Variants in NBAS observed in about 807,000 individuals in gnomAD.
The protein encoded by NBAS is NAG/BC035112 fusion.
A neutral mutation model predicts 302.5 loss-of-function variants in NBAS; 219 were observed. That is an observed-to-expected ratio of 0.72 (90% CI 0.65 to 0.81). NBAS has a LOEUF of 0.81. Ranked by LOEUF, NBAS falls within the 30% of genes least tolerant of loss-of-function variation. The probability of loss-of-function intolerance (pLI) is 0.00; values close to 1 mark genes in which losing one functional copy is unlikely to be tolerated. For synonymous variants in NBAS, 1,118 were observed against 1,021.6 expected (o/e 1.09, Z -1.80); for missense variants, 2,932 against 2,841.6 (o/e 1.03, Z -0.72).
intron 42 of NBAS, among the ~76,000 whole-genome samples, chr2:15,279,780 A>C (rs1669744603): frequency 6.6e-6 from 1 of 152,198 alleles, no homozygotes; most frequent in African/African-American, 2.4e-5. Flanking sequence ...CAAGGTGCTA[A>C]GATCTTTTAT....
intron 50 of NBAS, chr2:15,180,290 C>A (rs1226332518): frequency 6.6e-6 from 1 of 152,226 alleles, no homozygotes; most frequent in Non-Finnish European, 1.5e-5. Context: ...CCTCACGTTT[C>A]AGAGTAGAAG....
the NBAS span, among the ~76,000 whole-genome samples, chr2:15,067,159 CAAAAAAAA>C: frequency 3.2e-5 from 3 of 93,316 alleles, no homozygotes; most frequent in South Asian, 3.7e-4. Flanking sequence ...CTTATCTCCA[CAAAAAAAA>C]AAAAAAAAAA....
the NBAS span, among the ~76,000 whole-genome samples, chr2:15,000,456 C>G: frequency 6.6e-6 from 1 of 152,306 alleles, no homozygotes; most frequent in Admixed American, 6.5e-5. Flanking sequence ...TGCAGGAACA[C>G]AAATCTGCTG....
intron 9 of NBAS, among the ~76,000 whole-genome samples, chr2:15,522,083 A>G (rs1662699324): frequency 6.6e-6 from 1 of 152,238 alleles, no homozygotes; most frequent in South Asian, 2.1e-4. Flanking sequence ...AAGAAGTTAT[A>G]TATCTATCCC....
At chr2:15,043,459 C>A in the NBAS span, among the ~76,000 whole-genome samples, 1 of 152,140 alleles carries the variant, frequency 6.6e-6, no homozygotes, top group Non-Finnish European at 1.5e-5. Context: ...CCATCCATAT[C>A]CATCCATGAC....
At chr2:15,000,756 G>A in the NBAS span, among the ~76,000 whole-genome samples, 13 of 152,228 alleles carry the variant, frequency 8.5e-5, no homozygotes, top group South Asian at 4.2e-4. Flanking sequence ...AAAGGCAAGC[G>A]GTGTGCAAAG....
the NBAS span, among the ~76,000 whole-genome samples, chr2:14,818,606 C>T: frequency 6.6e-6 from 1 of 152,168 alleles, no homozygotes; most frequent in Non-Finnish European, 1.5e-5. Context: ...AAAATCTTTA[C>T]ATACAGTGAG....
chr2:15,074,604 ATATT>A, the NBAS span, among the ~76,000 whole-genome samples: 3 of 152,092 alleles, frequency 2.0e-5, no homozygotes, highest in South Asian at 6.2e-4. Context: ...AACATGTTAT[ATATT>A]ATATAATAGG....
chr2:15,477,461 A>G lies in NBAS; in HGVS notation c.1147+765T>C, dbSNP rs563758110. Among the ~76,000 whole-genome samples, 23 of 152,234 alleles carry G rather than the reference A, an allele frequency of 1.5e-4. No homozygotes were observed. In the South Asian group the frequency reaches 4.4e-3, roughly 29 times the overall value. On this transcript the variant is annotated intron_variant, in intron 13 of 51. Transcript: ENST00000281513. ...TTTCCAGTAGAGACAGGGTTTCACC[A>G]TGTTGGCCAGGCTGGTCTTGAACTC...
intron 51 of NBAS, among the ~76,000 whole-genome samples, chr2:15,171,119 C>T (rs546396187): frequency 6.6e-6 from 1 of 152,314 alleles, no homozygotes; most frequent in South Asian, 2.1e-4. Context: ...TCATTCTAAC[C>T]TACTTTTTCT....
chr2:15,296,036 A>G (rs960065767), intron 40 of NBAS, among the ~76,000 whole-genome samples: 2 of 152,230 alleles, frequency 1.3e-5, no homozygotes, highest in Non-Finnish European at 2.9e-5. Context: ...CTGATTGACA[A>G]GGATGTACAC....
the NBAS span, among the ~76,000 whole-genome samples, chr2:14,879,751 A>G: frequency 6.6e-6 from 1 of 152,208 alleles, no homozygotes; most frequent in African/African-American, 2.4e-5. Context: ...AAGCAGTAAA[A>G]TAAAGATCCA....
At chr2:15,474,432 A>C in intron 14 of NBAS, 108 bp from the exon 15 acceptor site, 1 of 1,166,904 alleles carries the variant, frequency 8.6e-7, no homozygotes, top group Non-Finnish European at 1.2e-6. Flanking sequence ...TGATTCATTA[A>C]ATCAGCTATG....
In NBAS at chr2:15,275,771, C is replaced by A; in HGVS notation, c.5437G>T (p.Ala1813Ser). ...LTDENMSPLE[A>S]LEPVLSSQNI... ...TGACTTGAAAGAACTGGCTCCAATG[C>A]TTCAAGAGGACTCATGTTTTCATCT... The change falls in exon 44 of 52, where the codon GCA (alanine) becomes TCA (serine). Residue 1813 changes from alanine to serine, a missense_variant. By Grantham distance (99) the Ala-to-Ser change is moderately conservative (BLOSUM62 1). Transcript: ENST00000281513. 2 of 1,614,054 alleles carry A rather than the reference C, an allele frequency of 1.2e-6. No homozygotes were observed. The highest frequency in any genetic ancestry group is 2.7e-5 in the African/African-American group (2 of 75,024).
At chr2:15,207,239 T>C (rs759818248) in intron 48 of NBAS, among the ~76,000 whole-genome samples, 1 of 152,194 alleles carries the variant, frequency 6.6e-6, no homozygotes, top group African/African-American at 2.4e-5. Context: ...GACTGCCCTG[T>C]TGGGTTTCAA....
chr2:15,510,652 C>T (rs1367449564), intron 10 of NBAS, among the ~76,000 whole-genome samples: 1 of 152,186 alleles, frequency 6.6e-6, no homozygotes, highest in Non-Finnish European at 1.5e-5. Flanking sequence ...GACTGCCTGA[C>T]ACAAAATAGA....
chr2:15,261,664 A>T (rs142650361), intron 44 of NBAS, among the ~76,000 whole-genome samples: 1 of 152,168 alleles, frequency 6.6e-6, no homozygotes, highest in Non-Finnish European at 1.5e-5. Flanking sequence ...AAGCTAATAC[A>T]TTCCTAAGTT....
chr2:14,893,682 G>A, the NBAS span, among the ~76,000 whole-genome samples: 1 of 152,284 alleles, frequency 6.6e-6, no homozygotes. Context: ...GCCAATGGAA[G>A]GCAGCCGTGG....
chr2:15,300,757 C>T (rs936634683), intron 40 of NBAS, among the ~76,000 whole-genome samples: 2 of 152,220 alleles, frequency 1.3e-5, no homozygotes, highest in African/African-American at 4.8e-5. Flanking sequence ...CCTAAAATAA[C>T]TGCTTCCATG....
Sources: allele counts gnomAD v4.1 joint callset (sites outside exome capture counted in the v4.1 genomes callset), GRCh38; gene constraint gnomAD v4.1.1; transcripts MANE v1.5; gene names NCBI Gene and HGNC (gene_info 2026-07-23, HGNC 2026-07-21).